Variants in DENND2B observed in about 807,000 individuals in gnomAD.
DENND2B encodes DENN domain containing 2B.
DENND2B carries 32 observed loss-of-function variants against 116.0 expected under a neutral mutation model. The observed-to-expected ratio is 0.28, with a 90% CI of 0.21 to 0.37. DENND2B has a LOEUF of 0.37. Among genes scored for constraint, DENND2B ranks in the 10% least tolerant of loss-of-function variants. DENND2B has a pLI of 1.00. For missense variants in DENND2B, 1,276 were observed against 1,477.7 expected, an observed-to-expected ratio of 0.86 and a Z score of 2.24; for synonymous variants, 588 against 583.9, an observed-to-expected ratio of 1.01 and a Z score of -0.10.
At chr11:8,810,111 A>T (rs1275179654) in intron 1 of DENND2B, 1 of 149,668 alleles carries the variant, frequency 6.7e-6, no homozygotes, top group Non-Finnish European at 1.5e-5. Context: ...CAAAACAGAC[A>T]GTGTTCACTA....
chr11:8,741,251 G>C (rs1019658628), intron 2 of DENND2B, among the ~76,000 whole-genome samples: 3 of 152,198 alleles, frequency 2.0e-5, no homozygotes, highest in Non-Finnish European at 4.4e-5. Flanking sequence ...GCACATCTAA[G>C]AATCTATGGA....
intron 4 of DENND2B, among the ~76,000 whole-genome samples, chr11:8,834,568 G>C (rs1216110502): frequency 6.6e-6 from 1 of 152,226 alleles, no homozygotes; most frequent in Admixed American, 6.5e-5. Flanking sequence ...CTTAGGCAAA[G>C]TTAGGCATGG....
intron 8 of DENND2B, among the ~76,000 whole-genome samples, chr11:8,713,651 A>T (rs1430095800): frequency 6.6e-6 from 1 of 152,142 alleles, no homozygotes; most frequent in Non-Finnish European, 1.5e-5. Flanking sequence ...AAGTGCTGGG[A>T]TTACAGGCAT....
chr11:8,852,196 C>G (rs894840214), intron 3 of DENND2B, among the ~76,000 whole-genome samples: 4 of 152,060 alleles, frequency 2.6e-5, no homozygotes, highest in Non-Finnish European at 5.9e-5. Flanking sequence ...GCAATTTCGG[C>G]GTGGCAGAAG....
intron 1 of DENND2B, among the ~76,000 whole-genome samples, chr11:8,903,474 TAAAA>T (rs35974143): frequency 1.7e-5 from 2 of 116,262 alleles, no homozygotes; most frequent in Non-Finnish European, 1.7e-5. Flanking sequence ...ACCAAGATGT[TAAAA>T]AAAAAAAAAA....
chr11:8,751,653 A>G (rs1018230804), intron 1 of DENND2B, among the ~76,000 whole-genome samples: 1 of 152,158 alleles, frequency 6.6e-6, no homozygotes, highest in East Asian at 1.9e-4. Flanking sequence ...TGTAACACTC[A>G]CTGCGAGGGT....
At position 8,707,382 on chromosome 11, in the gene DENND2B, C is replaced by G. The variant is rs1430992497; in HGVS notation, c.2431-157G>C. The G allele has an allele frequency of 6.0e-5, 59 of 987,314 alleles. No individual in the cohort carries two copies. Among genetic ancestry groups the G allele is most frequent in the Non-Finnish European group, 7.8e-5 (54 of 695,742 alleles). 61.2% of individuals were successfully genotyped at this position (987,314 alleles called of 1,614,324 possible). ...CCATGATCTGCACACTCTACCCTTCCCGTTTTCCTTGGCACTCAGTGACTC... is the reference window on the plus strand; with the variant it reads ...CCATGATCTGCACACTCTACCCTTCGCGTTTTCCTTGGCACTCAGTGACTC... On this transcript the variant is annotated intron_variant, in intron 12 of 19. Transcript: ENST00000313726. This position sits in a 1 kb window ranked among gnomAD's most constrained non-coding sequence, Gnocchi z 4.8.
intron 1 of DENND2B, among the ~76,000 whole-genome samples, chr11:8,803,929 T>C (rs2060583396): frequency 6.6e-6 from 1 of 152,160 alleles, no homozygotes; most frequent in South Asian, 2.1e-4. Flanking sequence ...TCTGGAGCAC[T>C]GAGAGCAGCT....
chr11:8,726,728 T>C (rs1486973870), intron 3 of DENND2B, among the ~76,000 whole-genome samples: 1 of 152,234 alleles, frequency 6.6e-6, no homozygotes, highest in Non-Finnish European at 1.5e-5. Context: ...CACATCCTCA[T>C]CTGCATCCTA....
chr11:8,730,348 T>C lies in DENND2B; in HGVS notation c.942A>G (p.Lys314=). 6.2e-7 allele frequency: 1 copy of C among 1,600,292 alleles called. No homozygotes were observed. Among genetic ancestry groups the C allele is most frequent in the Non-Finnish European group, 8.5e-7 (1 of 1,178,098 alleles). ...PSSCYSVDRG[K]RKTGTLGSLE... Reference sequence around the variant, plus strand: ...AGGAGCCCAAGGTTCCAGTCTTCCTTTTCCCCCGGTCCACGCTGTAGCAGC... The same window carrying C: ...AGGAGCCCAAGGTTCCAGTCTTCCTCTTCCCCCGGTCCACGCTGTAGCAGC... Residue 314 remains lysine (K), a synonymous_variant, in exon 3 of 20, where the codon AAA becomes AAG. Coordinates refer to ENST00000313726, the MANE Select transcript of DENND2B (RefSeq NM_213618.2). This position sits in a 1 kb window ranked among gnomAD's most constrained non-coding sequence, Gnocchi z 4.1.
chr11:8,882,275 A>T (rs549838107), intron 1 of DENND2B, among the ~76,000 whole-genome samples: 8 of 152,344 alleles, frequency 5.3e-5, no homozygotes, highest in Non-Finnish European at 1.0e-4. Flanking sequence ...ATGAAAGGTA[A>T]CATCTCTGAT....
Position 8,696,435 on chromosome 11 carries a change from C to G in DENND2B, c.3284G>C (p.Arg1095Pro). 1 of 1,614,126 alleles carries G rather than the reference C, an allele frequency of 6.2e-7. No homozygotes were observed. Among genetic ancestry groups the G allele is most frequent in the Non-Finnish European group, 8.5e-7 (1 of 1,180,024 alleles). The change falls in exon 18 of 20, where the codon CGG becomes CCG. Residue 1095 changes from arginine to proline, a missense_variant. By Grantham distance (103) the Arg-to-Pro change is moderately radical (BLOSUM62 -2). Around this residue, in one of 2 missense-constraint regions of DENND2B, gnomAD observed 420 missense variants for 631.1 expected, o/e 0.67. Coordinates refer to ENST00000313726, the MANE Select transcript of DENND2B (RefSeq NM_213618.2). ...TGATAACCAAGACTTACCCTTTGCC[C>G]GACACTTTCTTAGCTCCCTGTCTTG... ...FIQDRELRKC[R>P]AKGLFEQRVE...
intron 2 of DENND2B, among the ~76,000 whole-genome samples, chr11:8,864,345 A>G (rs2653616): frequency 0.55 from 83,691 of 152,002 alleles, 23,214 homozygotes; most frequent in Middle Eastern, 0.73. Context: ...TCGGCTCCCT[A>G]CAGCCTTGAC....
At chr11:8,781,927 T>G (rs1395243756) in intron 1 of DENND2B, among the ~76,000 whole-genome samples, 1 of 152,200 alleles carries the variant, frequency 6.6e-6, no homozygotes, top group Non-Finnish European at 1.5e-5. Flanking sequence ...GCATGGGATC[T>G]CCAAGTGTTA....
At chr11:8,717,716 C>A in intron 5 of DENND2B, 25 bp downstream of exon 5, 1 of 1,523,916 alleles carries the variant, frequency 6.6e-7, no homozygotes, top group Non-Finnish European at 8.8e-7. Flanking sequence ...GCTAACCCTA[C>A]AGGCCGATGT....
intron 1 of DENND2B, among the ~76,000 whole-genome samples, chr11:8,781,830 T>G (rs575919911): frequency 6.6e-6 from 1 of 152,210 alleles, no homozygotes; most frequent in South Asian, 2.1e-4. Flanking sequence ...GAAAATAAAA[T>G]ATTGCTCAAT....
intron 2 of DENND2B, among the ~76,000 whole-genome samples, chr11:8,860,523 G>A (rs951033063): frequency 7.9e-5 from 12 of 151,864 alleles, no homozygotes; most frequent in African/African-American, 2.2e-4. Flanking sequence ...ACTACAAAAC[G>A]CTGCTGAAAG....
chr11:8,707,883 GAGAC>G lies in DENND2B; in HGVS notation c.2353-33_2353-30del, dbSNP rs1565659920. The G allele has an allele frequency of 1.9e-6, 3 of 1,593,466 alleles. No homozygotes were observed. The highest frequency in any genetic ancestry group is 4.5e-5 in the East Asian group (2 of 44,330). ...GGCCAGGACAAGGAGGAGGAGGAGAGAGACAGACACAGAGAATGCATGATTACCA... is the reference window on the plus strand; with the variant it reads ...GGCCAGGACAAGGAGGAGGAGGAGAGAGACACAGAGAATGCATGATTACCA... On this transcript the variant is annotated intron_variant, in intron 11 of 19. Transcript: ENST00000313726. The surrounding 1 kb of genome is among the most constrained non-coding windows in gnomAD (Gnocchi z 4.8).
At chr11:8,788,661 C>T (rs2059123081) in intron 1 of DENND2B, among the ~76,000 whole-genome samples, 1 of 152,172 alleles carries the variant, frequency 6.6e-6, no homozygotes, top group Admixed American at 6.5e-5. Context: ...TGGATGGATC[C>T]ACTCAAAACT....
Sources: allele counts gnomAD v4.1 joint callset (sites outside exome capture counted in the v4.1 genomes callset), GRCh38; gene constraint gnomAD v4.1.1; regional missense constraint gnomAD v4.1.1; non-coding constraint Gnocchi (gnomAD v3.1); transcripts MANE v1.5; gene names NCBI Gene and HGNC (gene_info 2026-07-23, HGNC 2026-07-21).